The following RCAN2 variants were observed in gnomAD, a reference collection of about 807,000 sequenced individuals.
The protein encoded by RCAN2 is regulator of calcineurin 2.
RCAN2 carries 9 observed loss-of-function variants against 23.6 expected under a neutral mutation model. The ratio of observed to expected loss-of-function variants is 0.38; its 90% confidence interval spans 0.23 to 0.67. The LOEUF is 0.67. RCAN2 is among the 30% of genes least tolerant of loss of function. RCAN2 has a pLI of 0.51. For synonymous variants in RCAN2, 109 were observed against 115.7 expected, an observed-to-expected ratio of 0.94 and a Z score of 0.37; for missense variants, 273 against 302.3, an observed-to-expected ratio of 0.90 and a Z score of 0.72.
intron 4 of RCAN2, among the ~76,000 whole-genome samples, chr6:46,243,809 CA>C (rs376524527): frequency 0.031 from 1,683 of 54,942 alleles, 1 homozygote; most frequent in Non-Finnish European, 0.041. Flanking sequence ...GATTCTGTCT[CA>C]AAAAAAAAAA....
At chr6:46,480,656 C>A in intron 1 of RCAN2, among the ~76,000 whole-genome samples, 1 of 150,598 alleles carries the variant, frequency 6.6e-6, no homozygotes, top group East Asian at 2.0e-4. Flanking sequence ...ACGGAGTCTT[C>A]GATCTGTCAC....
At chr6:46,445,233 G>A (rs1767671563) in intron 2 of RCAN2, among the ~76,000 whole-genome samples, 3 of 152,104 alleles carry the variant, frequency 2.0e-5, no homozygotes, top group Non-Finnish European at 4.4e-5. Context: ...ATGGACATAG[G>A]CTCTAGGTCC....
intron 2 of RCAN2, among the ~76,000 whole-genome samples, chr6:46,369,856 G>A (rs1765280413): frequency 6.6e-6 from 1 of 152,044 alleles, no homozygotes; most frequent in Non-Finnish European, 1.5e-5. Context: ...TTTTCCAATG[G>A]CCTTTCCCTT....
At chr6:46,353,077 G>GC (rs1309718649) in intron 2 of RCAN2, among the ~76,000 whole-genome samples, 1 of 152,154 alleles carries the variant, frequency 6.6e-6, no homozygotes, top group East Asian at 1.9e-4. Flanking sequence ...TGGAGTAAAG[G>GC]CAGTGCAGGC....
intron 2 of RCAN2, among the ~76,000 whole-genome samples, chr6:46,347,908 G>A (rs1381114154): frequency 6.6e-6 from 1 of 152,204 alleles, no homozygotes; most frequent in African/African-American, 2.4e-5. Context: ...GAGAACAAAA[G>A]CCATTTTTCT....
At chr6:46,283,718 G>A (rs1340664890) in intron 2 of RCAN2, among the ~76,000 whole-genome samples, 1 of 152,164 alleles carries the variant, frequency 6.6e-6, no homozygotes, top group Admixed American at 6.5e-5. Context: ...TTTCCCAAAG[G>A]CCTGGTTAAC....
intron 2 of RCAN2, among the ~76,000 whole-genome samples, chr6:46,367,288 G>A (rs1381312499): frequency 6.6e-6 from 1 of 151,594 alleles, no homozygotes; most frequent in African/African-American, 2.4e-5. Flanking sequence ...GATAATTCTA[G>A]GCTTGTCATA....
intron 2 of RCAN2, among the ~76,000 whole-genome samples, chr6:46,446,035 C>G (rs1330840766): frequency 6.6e-6 from 1 of 151,618 alleles, no homozygotes; most frequent in African/African-American, 2.4e-5. Flanking sequence ...TTTTTCAAAT[C>G]TGGAAAAATA....
chr6:46,393,129 A>G (rs1306723911), intron 2 of RCAN2, among the ~76,000 whole-genome samples: 1 of 152,218 alleles, frequency 6.6e-6, no homozygotes, highest in African/African-American at 2.4e-5. Context: ...CTGGCCAGAA[A>G]CAGTCCATAG....
At chr6:46,346,186 A>AT (rs1198579161) in intron 2 of RCAN2, among the ~76,000 whole-genome samples, 3 of 152,288 alleles carry the variant, frequency 2.0e-5, no homozygotes, top group Middle Eastern at 3.4e-3. Context: ...TTTAAATCAA[A>AT]TTATAATGAA....
At chr6:46,396,899 G>A (rs761184110) in intron 2 of RCAN2, among the ~76,000 whole-genome samples, 3 of 151,978 alleles carry the variant, frequency 2.0e-5, no homozygotes, top group Non-Finnish European at 2.9e-5. Context: ...ATTACCTGAG[G>A]TCGGAGTTCG....
chr6:46,367,410 C>T (rs1765207072), intron 2 of RCAN2, among the ~76,000 whole-genome samples: 1 of 152,048 alleles, frequency 6.6e-6, no homozygotes. Flanking sequence ...CAGTGACGGC[C>T]TGAAGATTAT....
intron 4 of RCAN2, among the ~76,000 whole-genome samples, chr6:46,244,846 A>G (rs2150316141): frequency 6.6e-6 from 1 of 152,348 alleles, no homozygotes; most frequent in South Asian, 2.1e-4. Flanking sequence ...ACACCTCTAC[A>G]AAGTGTTCAA....
chr6:46,447,248 A>G (rs1767740569), intron 2 of RCAN2, among the ~76,000 whole-genome samples: 1 of 152,034 alleles, frequency 6.6e-6, no homozygotes, highest in Non-Finnish European at 1.5e-5. Context: ...AAGCCATTAT[A>G]TAAGTTAAAA....
intron 2 of RCAN2, among the ~76,000 whole-genome samples, chr6:46,337,783 G>C (rs1764189805): frequency 6.6e-6 from 1 of 152,206 alleles, no homozygotes; most frequent in Admixed American, 6.5e-5. Context: ...TCATTCTAAA[G>C]CTGATTCCCA....
At chr6:46,238,557 T>C (rs1766188538) in intron 4 of RCAN2, among the ~76,000 whole-genome samples, 2 of 152,120 alleles carry the variant, frequency 1.3e-5, no homozygotes, top group African/African-American at 4.8e-5. Flanking sequence ...ATTTAAATTA[T>C]TTTTTTATTG....
At chr6:46,479,428 C>T (rs1768796773) in intron 1 of RCAN2, among the ~76,000 whole-genome samples, 1 of 152,120 alleles carries the variant, frequency 6.6e-6, no homozygotes, top group South Asian at 2.1e-4. Context: ...ACACCAATTC[C>T]GTTCAAATGA....
intron 2 of RCAN2, among the ~76,000 whole-genome samples, chr6:46,378,026 C>G (rs1017715125): frequency 6.6e-6 from 1 of 152,180 alleles, no homozygotes; most frequent in Non-Finnish European, 1.5e-5. Context: ...TTACCTGTAT[C>G]CACAAGCCCT....
At chr6:46,368,756 T>C (rs1204768733) in intron 2 of RCAN2, among the ~76,000 whole-genome samples, 1 of 152,152 alleles carries the variant, frequency 6.6e-6, no homozygotes, top group Non-Finnish European at 1.5e-5. Context: ...CTTTTAGGGC[T>C]GGGAGTTGCC....
Sources: gnomAD v4.1 joint callset for allele counts (sites outside exome capture counted in the v4.1 genomes callset) on GRCh38, gnomAD v4.1.1 for gene constraint, MANE v1.5 for transcripts, NCBI Gene and HGNC (gene_info 2026-07-23, HGNC 2026-07-21) for gene names.